Variants in SCARB1 observed in about 807,000 individuals in gnomAD.
The protein encoded by SCARB1 is CD36 and LIMPII analogous 1.
A neutral mutation model predicts 57.2 loss-of-function variants in SCARB1; 30 were observed. That is an observed-to-expected ratio of 0.52 (90% confidence interval 0.39 to 0.71). The LOEUF (loss-of-function observed/expected upper bound fraction) is 0.71. Ranked by LOEUF, SCARB1 falls within the 30% of genes least tolerant of loss-of-function variation. The pLI is 0.00. For missense variants in SCARB1, 543 were observed against 671.2 expected (o/e 0.81, Z 2.11); for synonymous variants, 249 against 268.3 (o/e 0.93, Z 0.70).
chr12:124,778,645 A>AAGC, intron 12 of SCARB1, 59 bp from the exon 13 acceptor site: 1 of 1,360,812 alleles, frequency 7.3e-7, no homozygotes, highest in Non-Finnish European at 9.5e-7. Flanking sequence ...CCCCACCCTC[A>AAGC]TCCCCGCCCA....
rs1235297397 is a variant in SCARB1 at position 124,814,274 on chromosome 12, G to A, written c.558C>T (p.Pro186=). Residue 186 remains proline (P), a synonymous_variant, in exon 4 of 13, where the codon CCC becomes CCT. Coordinates refer to ENST00000261693, the MANE Select transcript of SCARB1 (RefSeq NM_005505.5). The surrounding 1 kb of genome is among the most constrained non-coding windows in gnomAD (Gnocchi z 4.7). ...AGTACTTGTTGATGAGATTCACAAG[G>A]GGGTCCTTGTAGCCCCACATGATCT... The part of the protein sequence containing the change: ...VGEIMWGYKD[P]LVNLINKYFP... 1.2e-6 allele frequency: 2 copies of A among 1,614,188 alleles called. No individual in the cohort carries two copies. Among genetic ancestry groups the A allele is most frequent in the African/African-American group, 2.7e-5 (2 of 75,046 alleles).
In SCARB1 at chr12:124,807,001, C is replaced by T. The variant is rs147814874; in HGVS notation, c.1009+760G>A. 6.6e-6 allele frequency among the ~76,000 whole-genome samples: 1 copy of T among 152,172 alleles called. No individual in the cohort carries two copies. Among genetic ancestry groups the T allele is most frequent in the East Asian group, 1.9e-4 (1 of 5,172 alleles). On this transcript the variant is annotated intron_variant, in intron 7 of 12. Coordinates refer to ENST00000261693, the MANE Select transcript of SCARB1 (RefSeq NM_005505.5). The surrounding 1 kb of genome is among the most constrained non-coding windows in gnomAD (Gnocchi z 5.3). ...ATCACTTGAGGTCAGGAGTTCAAGA[C>T]CAGCCTGGGCAACATGGTGAAACCC...
At chr12:124,813,594 A>G (rs1950595068) in intron 4 of SCARB1, among the ~76,000 whole-genome samples, 1 of 152,226 alleles carries the variant, frequency 6.6e-6, no homozygotes, top group Non-Finnish European at 1.5e-5. Context: ...CCTTTACAGC[A>G]TCATGCCACT....
At chr12:124,832,672 C>G (rs1443921838) in intron 1 of SCARB1, among the ~76,000 whole-genome samples, 1 of 152,118 alleles carries the variant, frequency 6.6e-6, no homozygotes, top group African/African-American at 2.4e-5. Flanking sequence ...TATACTTTTT[C>G]CAGAACATTA....
Position 124,817,616 on chromosome 12 carries a change from A to T in SCARB1, c.218T>A (p.Met73Lys), listed in dbSNP as rs1950793141. 6.2e-7 allele frequency: 1 copy of T among 1,614,196 alleles called. No individual in the cohort carries two copies. Among genetic ancestry groups the T allele is most frequent in the African/African-American group, 1.3e-5 (1 of 75,044 alleles). Residue 73 changes from methionine to lysine, a missense_variant, in exon 2 of 13, where the codon ATG becomes AAG. Met to Lys is a moderately conservative substitution (Grantham distance 95, BLOSUM62 -1). Coordinates refer to ENST00000261693, the MANE Select transcript of SCARB1 (RefSeq NM_005505.5). This position sits in a 1 kb window ranked among gnomAD's most constrained non-coding sequence, Gnocchi z 4.8. ...GCCCTTCAGGATCTCGCTGGGGTTC[A>T]TGACGTCAAAGAAGTAGACGGAGAG... The part of the protein sequence containing the change: ...FYLSVYFFDV[M>K]NPSEILKGEK...
intron 5 of SCARB1, among the ~76,000 whole-genome samples, chr12:124,811,013 T>A (rs1177375279): frequency 6.6e-6 from 1 of 152,168 alleles, no homozygotes. Flanking sequence ...ACACAGTCAT[T>A]TTCACACATA....
intron 8 of SCARB1, among the ~76,000 whole-genome samples, chr12:124,798,855 A>AG (rs1566156533): frequency 6.6e-6 from 1 of 151,644 alleles, no homozygotes; most frequent in African/African-American, 2.4e-5. Context: ...AGAAAAAAAA[A>AG]AGAAAAAAAG....
chr12:124,787,278 A>G, intron 10 of SCARB1, 128 bp downstream of exon 10: 2 of 795,632 alleles, frequency 2.5e-6, no homozygotes, highest in Non-Finnish European at 4.2e-6. Context: ...ACGCTGGTCC[A>G]TGTCACAGTC....
At chr12:124,843,293 G>GT (rs138799242) in intron 1 of SCARB1, among the ~76,000 whole-genome samples, 21 of 121,042 alleles carry the variant, frequency 1.7e-4, no homozygotes, top group East Asian at 2.5e-4. Context: ...GTGGAGATGG[G>GT]GGGGGGGGTC....
At chr12:124,793,692 CAAA>C (rs71092224) in intron 9 of SCARB1, among the ~76,000 whole-genome samples, 9 of 51,544 alleles carry the variant, frequency 1.7e-4, no homozygotes, top group Admixed American at 6.6e-4. Context: ...GACTCCGTCT[CAAA>C]AAAAAAAAAA....
chr12:124,793,004 C>T (rs1949786721), intron 9 of SCARB1, among the ~76,000 whole-genome samples: 1 of 152,022 alleles, frequency 6.6e-6, no homozygotes, highest in South Asian at 2.1e-4. Context: ...AGGACTTGGG[C>T]TGCAAACGCC....
chr12:124,795,257 G>T lies in SCARB1; in HGVS notation c.1140C>A (p.Ile380=). The change falls in exon 9 of 13, where the codon ATC becomes ATA. Residue 380 remains isoleucine, a synonymous_variant. Coordinates refer to ENST00000261693, the MANE Select transcript of SCARB1 (RefSeq NM_005505.5). ...LFLDIHPVTG[I]PMNCSVKLQL... ...GCAGTTTCACAGAGCAGTTCATGGGGATTCCCGTGACCTGCGGCAACAAAC... is the reference window on the plus strand; with the variant it reads ...GCAGTTTCACAGAGCAGTTCATGGGTATTCCCGTGACCTGCGGCAACAAAC... The T allele has an allele frequency of 6.2e-7, 1 of 1,613,786 alleles. No individual in the cohort carries two copies. The highest frequency in any genetic ancestry group is 8.5e-7 in the Non-Finnish European group (1 of 1,179,690).
intron 1 of SCARB1, chr12:124,821,272 GCA>G (rs967827072): frequency 1.3e-3 from 536 of 410,148 alleles, no homozygotes; most frequent in Non-Finnish European, 1.6e-3. Flanking sequence ...ACACACACGC[GCA>G]CACACACACA....
At position 124,778,224 on chromosome 12, in the gene SCARB1, C is replaced by T. The variant is rs927792739; in HGVS notation, c.*363G>A. On this transcript the variant is annotated 3_prime_UTR_variant, in exon 13 of 13. Coordinates refer to ENST00000261693, the MANE Select transcript of SCARB1 (RefSeq NM_005505.5). ...TGGAGGGGAGGAAGCCTGGGCCCAA[C>T]GGCTGAACGGGACAGGCCAGGCTCA... is the stretch of plus-strand genomic sequence containing the variant. 2.9e-5 allele frequency: 11 copies of T among 382,206 alleles called. No homozygotes were observed. The highest frequency in any genetic ancestry group is 1.2e-4 in the African/African-American group (6 of 48,242). The allele number at this position is 382,206 out of a possible 1,614,324, so 23.7% of individuals were successfully genotyped here.
intron 1 of SCARB1, among the ~76,000 whole-genome samples, chr12:124,838,587 T>C (rs1473262969): frequency 6.6e-6 from 1 of 152,000 alleles, no homozygotes; most frequent in Non-Finnish European, 1.5e-5. Context: ...AGGCTAAGTC[T>C]TCTGCAACAG....
intron 7 of SCARB1, among the ~76,000 whole-genome samples, chr12:124,806,817 G>A (rs1199232552): frequency 1.3e-5 from 2 of 151,866 alleles, no homozygotes; most frequent in Non-Finnish European, 1.5e-5. Context: ...CAGGAAGATC[G>A]CTTGAGCCCA....
chr12:124,803,513 T>A (rs539765512), intron 7 of SCARB1, among the ~76,000 whole-genome samples: 169 of 152,140 alleles, frequency 1.1e-3, no homozygotes, highest in Middle Eastern at 3.4e-3. Context: ...CAGACTGCTG[T>A]GAGCCATGAT....
chr12:124,783,824 T>A (rs1298118926), intron 11 of SCARB1: 5 of 152,090 alleles, frequency 3.3e-5, no homozygotes, highest in Non-Finnish European at 7.3e-5. Flanking sequence ...CAAAAAAAAC[T>A]GGTAAGGTCC....
chr12:124,806,427 C>T (rs576189746), intron 7 of SCARB1, among the ~76,000 whole-genome samples: 32 of 152,340 alleles, frequency 2.1e-4, no homozygotes, highest in African/African-American at 6.7e-4. Flanking sequence ...GCAGTCATCA[C>T]ATCTGCCTAG....
Sources: gnomAD v4.1 joint callset for allele counts (sites outside exome capture counted in the v4.1 genomes callset) on GRCh38, gnomAD v4.1.1 for gene constraint, Gnocchi (gnomAD v3.1) non-coding constraint, MANE v1.5 for transcripts, NCBI Gene and HGNC (gene_info 2026-07-23, HGNC 2026-07-21) for gene names.